Variants in ZCWPW2 observed in about 807,000 individuals in gnomAD.
ZCWPW2 encodes the protein zinc finger CW-type and PWWP domain containing 2, also known as zinc finger CW-type PWWP domain protein 2.
A neutral mutation model predicts 46.6 loss-of-function variants in ZCWPW2; 45 were observed. The observed-to-expected ratio is 0.96, with a 90% confidence interval of 0.76 to 1.24. The LOEUF (loss-of-function observed/expected upper bound fraction) is 1.24, where lower values mean the gene tolerates loss of function less well. Ranked by LOEUF, ZCWPW2 falls within the 50% of genes most tolerant of loss-of-function variation. The probability of loss-of-function intolerance (pLI) is 0.00; values close to 1 mark genes in which losing one functional copy is unlikely to be tolerated. For synonymous variants in ZCWPW2, 152 were observed against 137.1 expected (o/e 1.11, Z -0.76); for missense variants, 429 against 403.9 (o/e 1.06, Z -0.53).
At chr3:28,360,384 A>C (rs900392107) in intron 1 of ZCWPW2, among the ~76,000 whole-genome samples, 3 of 148,312 alleles carry the variant, frequency 2.0e-5, no homozygotes, top group African/African-American at 7.4e-5. Flanking sequence ...ATAGCCAGGC[A>C]TGGTGGCGGG....
At chr3:28,516,920 G>C (rs1700588022) in intron 8 of ZCWPW2, among the ~76,000 whole-genome samples, 1 of 152,124 alleles carries the variant, frequency 6.6e-6, no homozygotes, top group African/African-American at 2.4e-5. Context: ...GCTGAGGTGG[G>C]AGGATCACCT....
At chr3:28,429,657 G>T (rs1428405956) in intron 3 of ZCWPW2, among the ~76,000 whole-genome samples, 5 of 152,166 alleles carry the variant, frequency 3.3e-5, no homozygotes, top group Non-Finnish European at 7.3e-5. Context: ...CTTCATGGTA[G>T]CCCTTCACTT....
At chr3:28,406,246 C>T (rs1391916460) in intron 2 of ZCWPW2, among the ~76,000 whole-genome samples, 1 of 152,136 alleles carries the variant, frequency 6.6e-6, no homozygotes, top group Non-Finnish European at 1.5e-5. Context: ...AATGAGAAAG[C>T]ATGTTCAGGA....
intron 4 of ZCWPW2, among the ~76,000 whole-genome samples, chr3:28,451,243 A>G (rs1379957603): frequency 6.6e-6 from 1 of 152,232 alleles, no homozygotes; most frequent in Non-Finnish European, 1.5e-5. Context: ...TCTTTTAAAC[A>G]TAATATTTAA....
intron 2 of ZCWPW2, among the ~76,000 whole-genome samples, chr3:28,393,832 T>A (rs1437630362): frequency 6.6e-6 from 1 of 152,078 alleles, no homozygotes; most frequent in Admixed American, 6.6e-5. Flanking sequence ...GCTAACATCA[T>A]ACTCAGTGGG....
chr3:28,521,167 A>C, intron 9 of ZCWPW2, 51 bp downstream of exon 9: 1 of 1,548,002 alleles, frequency 6.5e-7, no homozygotes. Context: ...AAATTCTTTA[A>C]ACAGCAGAAT....
chr3:28,435,745 G>GA (rs1398974452), intron 4 of ZCWPW2, among the ~76,000 whole-genome samples: 1 of 151,934 alleles, frequency 6.6e-6, no homozygotes, highest in Non-Finnish European at 1.5e-5. Flanking sequence ...CCCGGCCTCC[G>GA]AAAGTGCTGG....
chr3:28,466,919 A>G (rs557152259), intron 4 of ZCWPW2, among the ~76,000 whole-genome samples: 6 of 152,360 alleles, frequency 3.9e-5, no homozygotes, highest in African/African-American at 1.4e-4. Flanking sequence ...TTTAAATGCC[A>G]TCTCAATTAA....
rs148726966 is a variant in ZCWPW2, at chr3:28,425,350, A to G, written c.333-9760A>G. Reference sequence around the variant, plus strand: ...ATATACTTATATTGCTTATTCAGTAACACAAATATATAGAAAGATAATAAC... The same window carrying G: ...ATATACTTATATTGCTTATTCAGTAGCACAAATATATAGAAAGATAATAAC... On this transcript the variant is annotated intron_variant, in intron 3 of 9. Coordinates refer to ENST00000383768, the MANE Select transcript of ZCWPW2 (RefSeq NM_001040432.4). 2.5e-3 allele frequency among the ~76,000 whole-genome samples: 386 copies of G among 152,346 alleles called. 1 individual carries two copies. Among genetic ancestry groups the G allele is most frequent in the African/African-American group, 8.4e-3 (351 of 41,578 alleles).
intron 1 of ZCWPW2, among the ~76,000 whole-genome samples, chr3:28,354,622 G>A (rs531455042): frequency 0.032 from 3,278 of 101,848 alleles, 127 homozygotes; most frequent in South Asian, 0.054. Flanking sequence ...CTGGCAAACC[G>A]AATCCAGCAG....
In ZCWPW2 at chr3:28,474,446, A is replaced by T. The variant is rs146173852; in HGVS notation, c.493-4368A>T. ...ATTTCAGCATTGCTTCCAACAGCGT[A>T]TTAGGAACAACCTAAGTGTCCATCA... On this transcript the variant is annotated intron_variant, in intron 4 of 9. Transcript: ENST00000383768. Among the ~76,000 whole-genome samples the T allele has an allele frequency of 4.8e-4, 73 of 152,150 alleles. 1 individual carries two copies. The highest frequency in any genetic ancestry group is 1.2e-4 in the Non-Finnish European group (8 of 68,020).
intron 1 of ZCWPW2, among the ~76,000 whole-genome samples, chr3:28,378,150 T>G (rs779747718): frequency 3.9e-5 from 6 of 152,072 alleles, no homozygotes; most frequent in Non-Finnish European, 8.8e-5. Context: ...AGGCTCTTAA[T>G]AAATTTTTGT....
intron 2 of ZCWPW2, among the ~76,000 whole-genome samples, chr3:28,397,087 TCAC>T (rs1695730889): frequency 6.6e-6 from 1 of 150,924 alleles, no homozygotes; most frequent in Non-Finnish European, 1.5e-5. Flanking sequence ...CAAGATCACA[TCAC>T]TGCACTCTGG....
intron 1 of ZCWPW2, among the ~76,000 whole-genome samples, chr3:28,387,907 T>G (rs1010163346): frequency 6.6e-6 from 1 of 152,168 alleles, no homozygotes; most frequent in Non-Finnish European, 1.5e-5. Flanking sequence ...ACTTACCTTC[T>G]TCATTAGTCA....
intron 1 of ZCWPW2, among the ~76,000 whole-genome samples, chr3:28,374,697 G>T (rs1705446221): frequency 6.6e-6 from 1 of 151,796 alleles, no homozygotes; most frequent in Non-Finnish European, 1.5e-5. Flanking sequence ...CACTTATTTG[G>T]TTAAATTGAT....
intron 1 of ZCWPW2, among the ~76,000 whole-genome samples, chr3:28,353,082 G>C (rs1025594450): frequency 6.6e-5 from 10 of 152,022 alleles, no homozygotes; most frequent in African/African-American, 1.7e-4. Flanking sequence ...ACCTGGGGAG[G>C]CTCAGGCACG....
At chr3:28,456,545 T>C (rs543316890) in intron 4 of ZCWPW2, among the ~76,000 whole-genome samples, 1 of 152,364 alleles carries the variant, frequency 6.6e-6, no homozygotes, top group South Asian at 2.1e-4. Context: ...AATCCTTATC[T>C]TGTTCCAGTT....
intron 6 of ZCWPW2, among the ~76,000 whole-genome samples, chr3:28,506,093 A>T (rs952665694): frequency 6.8e-6 from 1 of 147,200 alleles, no homozygotes; most frequent in Non-Finnish European, 1.5e-5. Flanking sequence ...TATTATATAT[A>T]TAATATATAA....
At chr3:28,403,621 A>G (rs1234383709) in intron 2 of ZCWPW2, among the ~76,000 whole-genome samples, 1 of 152,222 alleles carries the variant, frequency 6.6e-6, no homozygotes, top group Admixed American at 6.5e-5. Context: ...ATCTGGAGGC[A>G]TCACATTAAC....
Sources: gnomAD v4.1 joint callset for allele counts (sites outside exome capture counted in the v4.1 genomes callset) on GRCh38, gnomAD v4.1.1 for gene constraint, MANE v1.5 for transcripts, NCBI Gene and HGNC (gene_info 2026-07-23, HGNC 2026-07-21) for gene names.